Variants in GNAO1 observed in about 807,000 individuals in gnomAD.
GNAO1 encodes the protein G protein subunit alpha o1.
For synonymous variants in GNAO1, 164 were observed against 180.7 expected, an observed-to-expected ratio of 0.91 and a Z score of 0.74; for missense variants, 166 against 478.7, an observed-to-expected ratio of 0.35 and a Z score of 6.10.
chr16:56,228,229 C>G (rs1266193054), intron 2 of GNAO1, among the ~76,000 whole-genome samples: 1 of 152,170 alleles, frequency 6.6e-6, no homozygotes, highest in Non-Finnish European at 1.5e-5. Flanking sequence ...CTTCCCCAGG[C>G]TTAGCCAGGG....
intron 6 of GNAO1, chr16:56,346,460 C>T: frequency 1.0e-6 from 1 of 985,200 alleles, no homozygotes; most frequent in Non-Finnish European, 1.2e-6. Flanking sequence ...GAAAATTGTG[C>T]CTGCCACTTT....
intron 6 of GNAO1, chr16:56,340,866 C>T (rs2037795740): frequency 1.9e-6 from 3 of 1,613,946 alleles, no homozygotes; most frequent in African/African-American, 1.3e-5. Context: ...AGCTTTTTGA[C>T]AGCATCTGCA....
At chr16:56,199,900 C>T (rs887857821) in intron 2 of GNAO1, among the ~76,000 whole-genome samples, 5 of 152,150 alleles carry the variant, frequency 3.3e-5, no homozygotes, top group Admixed American at 2.0e-4. Flanking sequence ...TCTTGCAAGG[C>T]TAATAGTTGG....
At chr16:56,241,414 A>G (rs1470169824) in intron 2 of GNAO1, among the ~76,000 whole-genome samples, 4 of 152,172 alleles carry the variant, frequency 2.6e-5, no homozygotes, top group African/African-American at 9.7e-5. Flanking sequence ...GTTCTCTTCC[A>G]GTGCTTCCCA....
chr16:56,253,523 T>C lies in GNAO1; in HGVS notation c.162-22408T>C, dbSNP rs144647417. Among the ~76,000 whole-genome samples, 409 of 152,344 alleles carry C rather than the reference T, an allele frequency of 2.7e-3. 3 individuals are homozygous for C. Among genetic ancestry groups the C allele is most frequent in the Non-Finnish European group, 2.0e-3 (136 of 68,036 alleles). ...GCTTTTAAAGCAAGCCAGAGGTGTG[T>C]TTGAGTGAAAGATGAAAATATTCTT... On this transcript the variant is annotated intron_variant, in intron 2 of 8. Coordinates refer to ENST00000262493, the MANE Select transcript of GNAO1 (RefSeq NM_020988.3).
intron 2 of GNAO1, among the ~76,000 whole-genome samples, chr16:56,274,347 T>C (rs2037043158): frequency 6.6e-6 from 1 of 152,216 alleles, no homozygotes; most frequent in African/African-American, 2.4e-5. Flanking sequence ...GGTGCACCAG[T>C]GGCCTGTACT....
chr16:56,253,649 G>A (rs1366298089), intron 2 of GNAO1, among the ~76,000 whole-genome samples: 1 of 152,204 alleles, frequency 6.6e-6, no homozygotes, highest in Non-Finnish European at 1.5e-5. Context: ...TCCATGCTGA[G>A]CCCTGTTACC....
chr16:56,216,687 A>G (rs1244812392), intron 2 of GNAO1, among the ~76,000 whole-genome samples: 1 of 152,258 alleles, frequency 6.6e-6, no homozygotes, highest in Non-Finnish European at 1.5e-5. Flanking sequence ...ACTGTAAAAT[A>G]TAAGCTGTCA....
chr16:56,192,831 G>A (rs576728616), intron 2 of GNAO1: 13 of 564,264 alleles, frequency 2.3e-5, no homozygotes, highest in Non-Finnish European at 3.2e-5. Flanking sequence ...GTGTTTTTTG[G>A]GAGGGGGAAG....
chr16:56,234,013 C>T (rs2036614535), intron 2 of GNAO1, among the ~76,000 whole-genome samples: 1 of 152,250 alleles, frequency 6.6e-6, no homozygotes, highest in African/African-American at 2.4e-5. Context: ...TCTCTACCTT[C>T]AGTAACCTCA....
At position 56,357,090 on chromosome 16, in the gene GNAO1, T is replaced by G. The variant is rs1484100240; in HGVS notation, c.*1016T>G. ...AACAAAAAAATTTAAAAAGATGGAA[T>G]GTAGTGTTTACATTAAAGCCGCCGT... On this transcript the variant is annotated 3_prime_UTR_variant, in exon 9 of 9. Coordinates refer to ENST00000262493, the MANE Select transcript of GNAO1 (RefSeq NM_020988.3). 6.6e-6 allele frequency: 1 copy of G among 152,232 alleles called. No homozygotes were observed. Among genetic ancestry groups the G allele is most frequent in the Non-Finnish European group, 1.5e-5 (1 of 67,974 alleles). The allele number at this position is 152,232 out of a possible 1,614,324, so 9.4% of individuals were successfully genotyped here. A position where few individuals can be genotyped will look rare whatever the true frequency, so the allele number is the denominator to read the frequency against.
intron 2 of GNAO1, among the ~76,000 whole-genome samples, chr16:56,240,317 C>T (rs1271254821): frequency 6.6e-6 from 1 of 152,130 alleles, no homozygotes; most frequent in Non-Finnish European, 1.5e-5. Flanking sequence ...TTTTTTCTGC[C>T]TCCTCACATC....
Position 56,191,791 on chromosome 16 carries a change from GCCGCCT to G in GNAO1, c.-442_-437del. The G allele has an allele frequency of 4.7e-6, 1 of 211,510 alleles. No homozygotes were observed. The highest frequency in any genetic ancestry group is 9.3e-6 in the Non-Finnish European group (1 of 107,190). The allele number at this position is 211,510 out of a possible 1,614,324, so 13.1% of individuals were successfully genotyped here. Reference sequence around the variant, plus strand: ...CTCCTCCACCTCCTCCTCCGCCGCCGCCGCCTCCTCCTCCTCCGGCAGCCGCGGCAG... The same window carrying G: ...CTCCTCCACCTCCTCCTCCGCCGCCGCCTCCTCCTCCGGCAGCCGCGGCAG... On this transcript the variant is annotated 5_prime_UTR_variant, in exon 1 of 9. Coordinates refer to ENST00000262493, the MANE Select transcript of GNAO1 (RefSeq NM_020988.3). This position sits in a 1 kb window ranked among gnomAD's most constrained non-coding sequence, Gnocchi z 4.7.
intron 2 of GNAO1, among the ~76,000 whole-genome samples, chr16:56,252,289 T>TC (rs1337947445): frequency 6.6e-6 from 1 of 152,212 alleles, no homozygotes; most frequent in Non-Finnish European, 1.5e-5. Context: ...GTCTTCTGAC[T>TC]CCAAGTCCCC....
intron 2 of GNAO1, among the ~76,000 whole-genome samples, chr16:56,267,616 C>G (rs1385350357): frequency 6.6e-6 from 1 of 152,152 alleles, no homozygotes; most frequent in Admixed American, 6.5e-5. Flanking sequence ...CCTGAGAGGC[C>G]GGTCCCACCC....
chr16:56,221,344 C>T (rs920667688), intron 2 of GNAO1, among the ~76,000 whole-genome samples: 27 of 151,928 alleles, frequency 1.8e-4, no homozygotes, highest in Non-Finnish European at 7.4e-5. Context: ...AAGTGTTCAC[C>T]GATTTCAGAT....
chr16:56,276,898 A>G (rs1441608164), intron 3 of GNAO1: 1 of 152,242 alleles, frequency 6.6e-6, no homozygotes, highest in East Asian at 1.9e-4. Flanking sequence ...ACAGCCTCCA[A>G]GCACCTGGGC....
intron 3 of GNAO1, among the ~76,000 whole-genome samples, chr16:56,319,475 G>GC (rs1483605753): frequency 4.6e-5 from 7 of 152,098 alleles, no homozygotes; most frequent in African/African-American, 1.7e-4. Context: ...GGGAGCCTAC[G>GC]CCCCTCCTTG....
chr16:56,225,211 T>G (rs1175755409), intron 2 of GNAO1, among the ~76,000 whole-genome samples: 1 of 152,204 alleles, frequency 6.6e-6, no homozygotes, highest in African/African-American at 2.4e-5. Flanking sequence ...TCTGTTTGTT[T>G]GAGGAGGATT....
Sources: allele counts gnomAD v4.1 joint callset (sites outside exome capture counted in the v4.1 genomes callset), GRCh38; gene constraint gnomAD v4.1.1; non-coding constraint Gnocchi (gnomAD v3.1); transcripts MANE v1.5; gene names NCBI Gene and HGNC (gene_info 2026-07-23, HGNC 2026-07-21).